MICAL2: variants seen among roughly 807,000 people sequenced by gnomAD.
MICAL2 encodes the protein [F-actin]-monooxygenase MICAL2.
MICAL2 carries 77 observed loss-of-function variants against 127.3 expected under a neutral mutation model. The observed-to-expected ratio is 0.60, with a 90% CI of 0.50 to 0.73. The LOEUF is 0.73. Ranked by LOEUF, MICAL2 falls within the 30% of genes least tolerant of loss-of-function variation. MICAL2 has a pLI of 0.00. For missense variants in MICAL2, 1,351 were observed against 1,434.4 expected, an observed-to-expected ratio of 0.94 and a Z score of 0.94; for synonymous variants, 570 against 551.1, an observed-to-expected ratio of 1.03 and a Z score of -0.48.
downstream of MICAL2, among the ~76,000 whole-genome samples, chr11:12,296,282 A>G (rs1863984564): frequency 6.6e-6 from 1 of 151,348 alleles, no homozygotes. Flanking sequence ...TTATTTTCTT[A>G]TTTAACTTCT....
chr11:12,170,708 TC>T (rs1466581056), intron 3 of MICAL2, among the ~76,000 whole-genome samples: 1 of 152,144 alleles, frequency 6.6e-6, no homozygotes, highest in East Asian at 1.9e-4. Context: ...CCTGACCATC[TC>T]CTCCCCATTG....
intron 29 of MICAL2, among the ~76,000 whole-genome samples, chr11:12,301,766 T>A (rs1864049834): frequency 6.6e-6 from 1 of 152,130 alleles, no homozygotes; most frequent in Non-Finnish European, 1.5e-5. Flanking sequence ...CTGCATCTGT[T>A]AGCTGGCAGT....
intron 3 of MICAL2, among the ~76,000 whole-genome samples, chr11:12,174,590 C>A (rs778753538): frequency 1.3e-5 from 2 of 151,894 alleles, no homozygotes; most frequent in Non-Finnish European, 2.9e-5. Context: ...CAGTGAGGAA[C>A]CCTTGTTTTT....
Position 12,352,490 on chromosome 11 carries a change from C to T in MICAL2, c.5616-2294C>T, listed in dbSNP as rs189547374. On this transcript the variant is annotated intron_variant, in intron 33 of 34. Transcript: ENST00000646065. ...CTGTGTCCCATAACTGCAGCTTCCCCGGTCAACGCACTGTAGGAAGGACTT... is the reference window on the plus strand; with the variant it reads ...CTGTGTCCCATAACTGCAGCTTCCCTGGTCAACGCACTGTAGGAAGGACTT... 5.6e-3 allele frequency among the ~76,000 whole-genome samples: 847 copies of T among 152,316 alleles called. 3 individuals are homozygous for T. The highest frequency in any genetic ancestry group is 8.7e-3 in the Non-Finnish European group (591 of 68,040).
intron 30 of MICAL2, chr11:12,319,850 T>C (rs758586827): frequency 6.7e-7 from 1 of 1,494,054 alleles, no homozygotes; most frequent in Non-Finnish European, 9.3e-7. Flanking sequence ...CCTTGGCTGG[T>C]GGGGGCTGCT....
chr11:12,358,272 G>C, intron 34 of MICAL2: 1 of 1,610,230 alleles, frequency 6.2e-7, no homozygotes, highest in Non-Finnish European at 8.5e-7. Context: ...TCTGAGCCCA[G>C]TGGTTTTCTT....
chr11:12,216,364 T>C (rs1393392800), intron 8 of MICAL2, 45 bp downstream of exon 8: 1 of 1,449,878 alleles, frequency 6.9e-7, no homozygotes, highest in Non-Finnish European at 9.7e-7. Flanking sequence ...CGACCTGGGC[T>C]GGTGACATCA....
chr11:12,232,714 C>T (rs1404958332), intron 15 of MICAL2, among the ~76,000 whole-genome samples: 2 of 152,050 alleles, frequency 1.3e-5, no homozygotes, highest in African/African-American at 4.8e-5. Flanking sequence ...ACAACAAGAC[C>T]CTGTCCCCAA....
At chr11:12,243,016 G>A (rs748638822) in intron 20 of MICAL2, 26 of 371,604 alleles carry the variant, frequency 7.0e-5, no homozygotes, top group South Asian at 2.2e-4. Context: ...AACACAGATC[G>A]AGAAAGGCAT....
intron 29 of MICAL2, among the ~76,000 whole-genome samples, chr11:12,307,625 A>AT (rs1435673079): frequency 1.3e-5 from 2 of 152,130 alleles, no homozygotes; most frequent in Non-Finnish European, 2.9e-5. Flanking sequence ...ATTCTAGTTA[A>AT]TTTTTTATAG....
At chr11:12,339,059 T>C (rs1938815142) in intron 32 of MICAL2, among the ~76,000 whole-genome samples, 1 of 152,238 alleles carries the variant, frequency 6.6e-6, no homozygotes, top group Non-Finnish European at 1.5e-5. Flanking sequence ...TTTTCCAACT[T>C]GATTCCATTC....
intron 15 of MICAL2, among the ~76,000 whole-genome samples, chr11:12,232,585 G>A (rs952442895): frequency 6.6e-6 from 1 of 152,106 alleles, no homozygotes; most frequent in African/African-American, 2.4e-5. Context: ...TAGCCTGCGT[G>A]GTGGTGCACA....
chr11:12,293,597 G>A (rs764351517), downstream of MICAL2: 3 of 1,613,900 alleles, frequency 1.9e-6, no homozygotes, highest in Non-Finnish European at 2.5e-6. Context: ...AGTCTCGAGA[G>A]GTCATCCAAG....
intron 12 of MICAL2, among the ~76,000 whole-genome samples, chr11:12,224,024 C>T (rs564578747): frequency 3.4e-4 from 52 of 152,240 alleles, no homozygotes; most frequent in Middle Eastern, 6.8e-3. Flanking sequence ...GCTTTGCCTC[C>T]TCTCCTTCCT....
chr11:12,220,336 G>A lies in MICAL2; in HGVS notation c.1084G>A (p.Gly362Arg). ...PSLDFAMNHY[G>R]QPDVAMFDFT... is the part of the protein sequence containing the mutation. ...CTTAGACTTTGCCATGAACCACTATGGGCAGCCTGATGTGGCCATGTTTGA... is the reference window on the plus strand; with the variant it reads ...CTTAGACTTTGCCATGAACCACTATAGGCAGCCTGATGTGGCCATGTTTGA... The change falls in exon 9 of 28, where the codon GGG becomes AGG. Residue 362 changes from glycine to arginine, a missense_variant. Transcript: ENST00000683283. 1 of 1,614,198 alleles carries A rather than the reference G, an allele frequency of 6.2e-7. No individual in the cohort carries two copies. The highest frequency in any genetic ancestry group is 8.5e-7 in the Non-Finnish European group (1 of 1,180,036).
At chr11:12,227,862 T>C (rs367593807) in intron 15 of MICAL2, among the ~76,000 whole-genome samples, 1 of 152,222 alleles carries the variant, frequency 6.6e-6, no homozygotes, top group East Asian at 1.9e-4. Context: ...CATGATAGTG[T>C]TTTCCTAGAA....
chr11:12,260,542 G>A (rs1862971542), intron 26 of MICAL2: 2 of 1,009,926 alleles, frequency 2.0e-6, no homozygotes, highest in Non-Finnish European at 2.4e-6. Context: ...ACTGCAGTGA[G>A]TTATCAAAGC....
At chr11:12,340,228 A>G (rs1938837934) in intron 32 of MICAL2, among the ~76,000 whole-genome samples, 1 of 152,260 alleles carries the variant, frequency 6.6e-6, no homozygotes, top group Non-Finnish European at 1.5e-5. Context: ...ACAACCCAAT[A>G]TAAATATAGA....
At chr11:12,227,920 G>C (rs182379690) in intron 15 of MICAL2, among the ~76,000 whole-genome samples, 4 of 152,298 alleles carry the variant, frequency 2.6e-5, no homozygotes, top group Admixed American at 2.0e-4. Flanking sequence ...TGGTGCCATG[G>C]GACACAGTTT....
Sources: gnomAD v4.1 joint callset for allele counts (sites outside exome capture counted in the v4.1 genomes callset) on GRCh38, gnomAD v4.1.1 for gene constraint, MANE v1.5 for transcripts, NCBI Gene and HGNC (gene_info 2026-07-23, HGNC 2026-07-21) for gene names.